The following NDFIP2 variants were observed in gnomAD, a reference collection of about 807,000 sequenced individuals.
The protein encoded by NDFIP2 is NEDD4 family-interacting protein 2.
Under a neutral mutation model 36.0 loss-of-function variants are expected in NDFIP2, and 19 were observed. The ratio of observed to expected loss-of-function variants is 0.53; its 90% CI spans 0.37 to 0.77. The LOEUF (loss-of-function observed/expected upper bound fraction) is 0.77. Ranked by LOEUF, NDFIP2 falls within the 30% of genes least tolerant of loss-of-function variation. NDFIP2 has a pLI of 0.00. For synonymous variants in NDFIP2, 181 were observed against 167.7 expected, an observed-to-expected ratio of 1.08 and a Z score of -0.61; for missense variants, 446 against 435.8, an observed-to-expected ratio of 1.02 and a Z score of -0.21.
At chr13:79,549,828 G>A (rs563028447) in intron 6 of NDFIP2, among the ~76,000 whole-genome samples, 1 of 151,950 alleles carries the variant, frequency 6.6e-6, no homozygotes, top group East Asian at 1.9e-4. Context: ...CATGAGGGTG[G>A]AATTCAGAAG....
rs777143482 is a variant in NDFIP2, at chr13:79,551,072, T to C, written c.963T>C (p.Ser321=). 6.2e-7 allele frequency: 1 copy of C among 1,605,698 alleles called. No individual in the cohort carries two copies. The highest frequency in any genetic ancestry group is 1.7e-5 in the Admixed American group (1 of 58,810). The change falls in exon 7 of 8, where the codon TCT becomes TCC. Residue 321 remains serine (S), a synonymous_variant. Transcript: ENST00000218652. The part of the protein sequence containing the change: ...FVNYLKVRNM[S]ESMAAAHRTR... ...ATTATCTAAAAGTCAGAAACATGTC[T>C]GAAAGTATGGCAGCTGCTCATAGAA...
At chr13:79,550,953 TA>T in intron 6 of NDFIP2, 63 bp from the exon 7 acceptor site, 1 of 941,924 alleles carries the variant, frequency 1.1e-6, no homozygotes, top group South Asian at 1.9e-5. Flanking sequence ...TTGTCTACTT[TA>T]AATTTATCTT....
intron 1 of NDFIP2, among the ~76,000 whole-genome samples, chr13:79,505,359 G>GCA (rs1244265583): frequency 6.6e-6 from 1 of 152,152 alleles, no homozygotes; most frequent in Non-Finnish European, 1.5e-5. Flanking sequence ...TGCCGGCGCA[G>GCA]CAGCTCATGG....
In NDFIP2 at chr13:79,515,135, A is replaced by C. The variant is rs182591571; in HGVS notation, c.322-5675A>C. ...CTCCTAGGCTATAAACTTGTACAGC[A>C]TGTTACTGTACTGAATACTGTTGTA... On this transcript the variant is annotated intron_variant, in intron 1 of 7. Transcript: ENST00000218652. Among the ~76,000 whole-genome samples the C allele has an allele frequency of 1.6e-3, 247 of 152,296 alleles. 1 individual carries two copies. Among genetic ancestry groups the C allele is most frequent in the African/African-American group, 5.9e-3 (246 of 41,534 alleles).
intron 1 of NDFIP2, among the ~76,000 whole-genome samples, chr13:79,506,783 C>T (rs1240702081): frequency 6.6e-6 from 1 of 151,954 alleles, no homozygotes; most frequent in African/African-American, 2.4e-5. Flanking sequence ...GGAATAATTT[C>T]ATAATTATGG....
chr13:79,498,070 A>C (rs1400203353), intron 1 of NDFIP2, among the ~76,000 whole-genome samples: 2 of 151,854 alleles, frequency 1.3e-5, no homozygotes, highest in African/African-American at 4.8e-5. Flanking sequence ...TCAGCATTAC[A>C]AATACTCATA....
At chr13:79,517,658 T>G (rs1463902194) in intron 1 of NDFIP2, among the ~76,000 whole-genome samples, 1 of 152,224 alleles carries the variant, frequency 6.6e-6, no homozygotes, top group East Asian at 1.9e-4. Context: ...TATAATTTTG[T>G]CAAAACCGTA....
chr13:79,501,831 T>A (rs867173804), intron 1 of NDFIP2, among the ~76,000 whole-genome samples: 1 of 152,100 alleles, frequency 6.6e-6, no homozygotes, highest in Non-Finnish European at 1.5e-5. Flanking sequence ...GAGGGAAGAA[T>A]GAAACTTTCC....
intron 1 of NDFIP2, among the ~76,000 whole-genome samples, chr13:79,500,331 GA>G (rs1566656066): frequency 6.6e-6 from 1 of 151,700 alleles, no homozygotes; most frequent in Non-Finnish European, 1.5e-5. Flanking sequence ...TGACTTTTTA[GA>G]AAAAAAGAGG....
At chr13:79,531,594 G>A (rs1875018499) in intron 2 of NDFIP2, among the ~76,000 whole-genome samples, 1 of 152,160 alleles carries the variant, frequency 6.6e-6, no homozygotes, top group Non-Finnish European at 1.5e-5. Context: ...GTCAGCACTC[G>A]CTGCTTCATG....
chr13:79,508,470 T>C (rs1873954018), intron 1 of NDFIP2, among the ~76,000 whole-genome samples: 2 of 152,246 alleles, frequency 1.3e-5, no homozygotes. Context: ...TATTTCTTGA[T>C]TATATGCTAA....
rs1400298589 is a variant in NDFIP2 at position 79,486,892 on chromosome 13, A to G, written c.321+5368A>G. Among the ~76,000 whole-genome samples, 4 of 152,210 alleles carry G rather than the reference A, an allele frequency of 2.6e-5. No individual in the cohort carries two copies. The South Asian group carries it at 8.3e-4, about 31-fold the overall frequency. Reference sequence around the variant, plus strand: ...GTTTGTAGTCTAGGAGCAATAGGCTAGACCATACGGCATAGTATGTAGTAG... The same window carrying G: ...GTTTGTAGTCTAGGAGCAATAGGCTGGACCATACGGCATAGTATGTAGTAG... On this transcript the variant is annotated intron_variant, in intron 1 of 7. Transcript: ENST00000218652.
At chr13:79,532,231 A>T (rs1161279484) in intron 2 of NDFIP2, among the ~76,000 whole-genome samples, 2 of 152,218 alleles carry the variant, frequency 1.3e-5, no homozygotes, top group African/African-American at 4.8e-5. Context: ...GTGCTGATAC[A>T]CTTGTTCAAT....
chr13:79,539,194 A>AT (rs960074270), intron 3 of NDFIP2, among the ~76,000 whole-genome samples: 3 of 152,140 alleles, frequency 2.0e-5, no homozygotes, highest in African/African-American at 7.2e-5. Context: ...TTAATACATC[A>AT]TTTTTATAAG....
At chr13:79,499,156 G>A (rs1254793913) in intron 1 of NDFIP2, among the ~76,000 whole-genome samples, 1 of 151,874 alleles carries the variant, frequency 6.6e-6, no homozygotes, top group Non-Finnish European at 1.5e-5. Flanking sequence ...AAAATCACAT[G>A]ACGTATAACA....
intron 2 of NDFIP2, among the ~76,000 whole-genome samples, chr13:79,529,345 T>TC (rs1359407650): frequency 6.6e-6 from 1 of 152,184 alleles, no homozygotes; most frequent in African/African-American, 2.4e-5. Context: ...ATTTTTTTTT[T>TC]CTATCTTGAG....
intron 1 of NDFIP2, among the ~76,000 whole-genome samples, chr13:79,495,898 A>T (rs1873417368): frequency 6.6e-6 from 1 of 151,848 alleles, no homozygotes; most frequent in Admixed American, 6.6e-5. Flanking sequence ...AAGGTTAGGC[A>T]TGTATATTTA....
chr13:79,497,787 C>G (rs1374706173), intron 1 of NDFIP2, among the ~76,000 whole-genome samples: 1 of 100,874 alleles, frequency 9.9e-6, no homozygotes, highest in Non-Finnish European at 2.0e-5. Flanking sequence ...AATCCTTTAT[C>G]TGTGGGGGGT....
intron 2 of NDFIP2, among the ~76,000 whole-genome samples, chr13:79,522,623 A>G (rs1233269260): frequency 1.3e-5 from 2 of 152,126 alleles, no homozygotes; most frequent in Non-Finnish European, 2.9e-5. Context: ...GGTTGGAATT[A>G]TCTCAAAAGC....
Sources: allele counts gnomAD v4.1 joint callset (sites outside exome capture counted in the v4.1 genomes callset), GRCh38; gene constraint gnomAD v4.1.1; transcripts MANE v1.5; gene names NCBI Gene and HGNC (gene_info 2026-07-23, HGNC 2026-07-21).